The following CPNE4 variants were observed in gnomAD, a reference collection of about 807,000 sequenced individuals.
CPNE4 encodes the protein copine-4.
In CPNE4, 25 loss-of-function variants were observed where a neutral mutation model predicts 67.9. That is an observed-to-expected ratio of 0.37 (90% CI 0.27 to 0.51). The LOEUF (loss-of-function observed/expected upper bound fraction) is 0.51, where lower values mean the gene tolerates loss of function less well. Ranked by LOEUF, CPNE4 falls within the 20% of genes least tolerant of loss-of-function variation. The pLI is 0.93. For missense variants in CPNE4, 464 were observed against 690.8 expected (o/e 0.67, Z 3.68); for synonymous variants, 242 against 244.9 (o/e 0.99, Z 0.11).
chr3:131,786,786 G>A (rs960186275), intron 2 of CPNE4, among the ~76,000 whole-genome samples: 4 of 152,126 alleles, frequency 2.6e-5, no homozygotes, highest in South Asian at 2.1e-4. Flanking sequence ...AGTACATGGC[G>A]CAGTGCTTGG....
At chr3:131,720,632 A>G in intron 3 of CPNE4, among the ~76,000 whole-genome samples, 1 of 152,192 alleles carries the variant, frequency 6.6e-6, no homozygotes, top group East Asian at 1.9e-4. Flanking sequence ...CAAAGTGTAT[A>G]AATGTCCCAG....
chr3:131,870,960 G>T (rs1324830592), intron 2 of CPNE4, among the ~76,000 whole-genome samples: 1 of 152,126 alleles, frequency 6.6e-6, no homozygotes, highest in Admixed American at 6.5e-5. Context: ...CCATGAAGAG[G>T]TCCTACTGAT....
chr3:131,728,279 T>C lies in CPNE4; in HGVS notation c.181-4654A>G, dbSNP rs184894172. Among the ~76,000 whole-genome samples the C allele has an allele frequency of 2.8e-4, 43 of 152,312 alleles. 1 individual carries two copies. The highest frequency in any genetic ancestry group is 2.8e-3 in the Admixed American group (43 of 15,298). ...TTTTCATTCTTATAACAATATGAGG[T>C]AGGTACTGTTATTATCCTCTCTTAC... On this transcript the variant is annotated intron_variant, in intron 2 of 15. Transcript: ENST00000429747.
intron 7 of CPNE4, among the ~76,000 whole-genome samples, chr3:131,645,096 A>C (rs2079631738): frequency 1.3e-5 from 2 of 152,236 alleles, no homozygotes. Context: ...ATGGTTCTGC[A>C]AACTGAAAGG....
Position 131,587,471 on chromosome 3 carries a change from G to A in CPNE4, c.780+13C>T. 6.2e-7 allele frequency: 1 copy of A among 1,605,540 alleles called. No homozygotes were observed. Among genetic ancestry groups the A allele is most frequent in the Non-Finnish European group, 8.5e-7 (1 of 1,172,588 alleles). On this transcript the variant is annotated intron_variant, in intron 8 of 15. Transcript: ENST00000429747. The stretch of plus-strand genomic sequence containing the variant: ...CCGACTGGAGGCAAAACCAAAAGTG[G>A]TTGACCATGTACCTGTTTCCCTTCC...
chr3:131,640,240 G>A (rs1490482601), intron 7 of CPNE4, among the ~76,000 whole-genome samples: 1 of 152,090 alleles, frequency 6.6e-6, no homozygotes, highest in Non-Finnish European at 1.5e-5. Context: ...CAGATGATAT[G>A]ATTGTATACC....
chr3:131,773,297 ATGTT>A (rs1319137895), intron 2 of CPNE4, among the ~76,000 whole-genome samples: 3 of 152,122 alleles, frequency 2.0e-5, no homozygotes, highest in Non-Finnish European at 4.4e-5. Flanking sequence ...GTACAAATTA[ATGTT>A]TGTTTTTAAA....
chr3:131,771,957 A>G (rs180879421), intron 2 of CPNE4, among the ~76,000 whole-genome samples: 9 of 152,208 alleles, frequency 5.9e-5, no homozygotes, highest in Admixed American at 3.3e-4. Context: ...TTGCCCATAC[A>G]TTTACACTGA....
intron 2 of CPNE4, among the ~76,000 whole-genome samples, chr3:131,887,243 T>C (rs944502822): frequency 6.6e-6 from 1 of 152,208 alleles, no homozygotes; most frequent in African/African-American, 2.4e-5. Flanking sequence ...TGCTTTTGCG[T>C]CTTCGTCATT....
chr3:131,957,080 G>A (rs779204150), intron 1 of CPNE4, among the ~76,000 whole-genome samples: 15 of 152,116 alleles, frequency 9.9e-5, no homozygotes, highest in Non-Finnish European at 1.8e-4. Context: ...ATTCAATGCC[G>A]TGTCCTACTT....
intron 2 of CPNE4, among the ~76,000 whole-genome samples, chr3:131,771,335 A>G (rs933373986): frequency 6.6e-6 from 1 of 152,012 alleles, no homozygotes; most frequent in Non-Finnish European, 1.5e-5. Flanking sequence ...TGACCCTCCA[A>G]ACCTCATGTT....
intron 2 of CPNE4, among the ~76,000 whole-genome samples, chr3:131,744,808 T>C (rs2082447691): frequency 6.6e-6 from 1 of 152,204 alleles, no homozygotes; most frequent in Non-Finnish European, 1.5e-5. Flanking sequence ...ATGATATAGA[T>C]GTACCACAGT....
chr3:132,032,500 C>T (rs2074257167), intron 1 of CPNE4, among the ~76,000 whole-genome samples: 1 of 152,240 alleles, frequency 6.6e-6, no homozygotes, highest in Non-Finnish European at 1.5e-5. Context: ...AAAGTCACCT[C>T]ATTCTGATGT....
chr3:131,840,807 G>A (rs1286211955), intron 2 of CPNE4, among the ~76,000 whole-genome samples: 6 of 152,086 alleles, frequency 3.9e-5, no homozygotes, highest in African/African-American at 1.4e-4. Context: ...ACCAACTCAG[G>A]GGAGTCTCAG....
At chr3:131,924,250 AT>A (rs760231918) in intron 1 of CPNE4, among the ~76,000 whole-genome samples, 43 of 152,272 alleles carry the variant, frequency 2.8e-4, no homozygotes, top group Middle Eastern at 3.4e-3. Flanking sequence ...ATTCATCTTC[AT>A]CCCCCATCCC....
At chr3:131,792,708 C>CGT (rs371058106) in intron 2 of CPNE4, among the ~76,000 whole-genome samples, 2,448 of 66,614 alleles carry the variant, frequency 0.037, 138 homozygotes, top group African/African-American at 0.086. Flanking sequence ...TATACACACA[C>CGT]GTGTATATAT....
At chr3:131,848,956 CAAAAAAAAA>C (rs67407668) in intron 2 of CPNE4, among the ~76,000 whole-genome samples, 21,919 of 79,832 alleles carry the variant, frequency 0.27, 2,070 homozygotes, top group East Asian at 0.42. Context: ...GTAGTGATTA[CAAAAAAAAA>C]AAAAAAAAAA....
intron 2 of CPNE4, among the ~76,000 whole-genome samples, chr3:131,864,771 C>T (rs1173366771): frequency 6.6e-6 from 1 of 151,988 alleles, no homozygotes; most frequent in African/African-American, 2.4e-5. Flanking sequence ...GAGGGGGCAT[C>T]CCTGTCTTGT....
At chr3:131,802,265 C>T (rs193006138) in intron 2 of CPNE4, among the ~76,000 whole-genome samples, 143 of 152,130 alleles carry the variant, frequency 9.4e-4, no homozygotes, top group African/African-American at 3.0e-3. Flanking sequence ...CACTGTTCTG[C>T]GGTTATACTA....
Sources: allele counts gnomAD v4.1 joint callset (sites outside exome capture counted in the v4.1 genomes callset), GRCh38; gene constraint gnomAD v4.1.1; transcripts MANE v1.5; gene names NCBI Gene and HGNC (gene_info 2026-07-23, HGNC 2026-07-21).